Variants in MLLT1 observed in about 807,000 individuals in gnomAD.
MLLT1 encodes the protein protein ENL.
In MLLT1, 11 loss-of-function variants were observed where a neutral mutation model predicts 55.1. The ratio of observed to expected loss-of-function variants is 0.20; its 90% CI spans 0.13 to 0.33. The LOEUF (loss-of-function observed/expected upper bound fraction) is 0.33. Ranked by LOEUF, MLLT1 falls within the 10% of genes least tolerant of loss-of-function variation. The pLI is 1.00. For synonymous variants in MLLT1, 323 were observed against 320.1 expected (o/e 1.01, Z -0.10); for missense variants, 536 against 760.6 (o/e 0.70, Z 3.47).
At position 6,211,653 on chromosome 19, in the gene MLLT1, G is replaced by A. The variant is rs565927228; in HGVS notation, c.*1389C>T. The A allele has an allele frequency of 4.4e-5, 47 of 1,064,680 alleles. No homozygotes were observed. The East Asian group carries it at 1.0e-3, about 24-fold the overall frequency. 66.0% of individuals were successfully genotyped at this position (1,064,680 alleles called of 1,614,324 possible). A position where few individuals can be genotyped will look rare whatever the true frequency, so the allele number is the denominator to read the frequency against. Reference sequence around the variant, plus strand: ...TTGGTCAGGGCACAAGGACTTGAAAGGACTTGAAAGTCAGGGGGTTGAGAG... The same window carrying A: ...TTGGTCAGGGCACAAGGACTTGAAAAGACTTGAAAGTCAGGGGGTTGAGAG... On this transcript the variant is annotated 3_prime_UTR_variant, in exon 12 of 12. Transcript: ENST00000252674. This position sits in a 1 kb window ranked among gnomAD's most constrained non-coding sequence, Gnocchi z 4.6.
chr19:6,218,405 G>A (rs886230744), intron 6 of MLLT1, among the ~76,000 whole-genome samples: 3 of 152,234 alleles, frequency 2.0e-5, no homozygotes, highest in African/African-American at 7.2e-5. Context: ...CCTTGCCTTC[G>A]TCCAAGAGGG....
At chr19:6,244,511 C>A (rs2091149064) in intron 3 of MLLT1, among the ~76,000 whole-genome samples, 1 of 152,114 alleles carries the variant, frequency 6.6e-6, no homozygotes, top group African/African-American at 2.4e-5. Context: ...GAGGCATGGG[C>A]CTCAAGTGTG....
At position 6,270,164 on chromosome 19, in the gene MLLT1, C is replaced by T. The variant is rs770618833; in HGVS notation, c.193+415G>A. 6.6e-6 allele frequency among the ~76,000 whole-genome samples: 1 copy of T among 152,172 alleles called. No homozygotes were observed. Among genetic ancestry groups the T allele is most frequent in the East Asian group, 1.9e-4 (1 of 5,192 alleles). ...GAGGCTTGAAGGGAGAGGGAAGACACGGAAAAGACAGTGGTGACATGAGCT... is the reference window on the plus strand; with the variant it reads ...GAGGCTTGAAGGGAGAGGGAAGACATGGAAAAGACAGTGGTGACATGAGCT... On this transcript the variant is annotated intron_variant, in intron 2 of 11. Transcript: ENST00000252674. The surrounding 1 kb of genome is among the most constrained non-coding windows in gnomAD (Gnocchi z 7.1).
chr19:6,273,718 G>T lies in MLLT1; in HGVS notation c.13-2959C>A, dbSNP rs909766887. On this transcript the variant is annotated intron_variant, in intron 1 of 11. Transcript: ENST00000252674. This position sits in a 1 kb window ranked among gnomAD's most constrained non-coding sequence, Gnocchi z 4.3. ...AAACTAAATGTACATATACATCATG[G>T]GAACAGCACCAGGATGCGGGAGAAC... is the stretch of plus-strand genomic sequence containing the variant. Among the ~76,000 whole-genome samples the T allele has an allele frequency of 4.6e-5, 7 of 152,178 alleles. No individual in the cohort carries two copies. The highest frequency in any genetic ancestry group is 1.7e-4 in the African/African-American group (7 of 41,446).
rs577230477 is a variant in MLLT1, at chr19:6,219,371, G to A, written c.1111-1330C>T. Among the ~76,000 whole-genome samples the A allele has an allele frequency of 1.3e-5, 2 of 152,282 alleles. No individual in the cohort carries two copies. The highest frequency in any genetic ancestry group is 1.9e-4 in the East Asian group (1 of 5,178). ...CAGTCACTGCCCACTCAGGCTACCT[G>A]AGTCCCGGACACATACCCCAGAGCG... is the stretch of plus-strand genomic sequence containing the variant. On this transcript the variant is annotated intron_variant, in intron 6 of 11. Transcript: ENST00000252674. This position sits in a 1 kb window ranked among gnomAD's most constrained non-coding sequence, Gnocchi z 4.5.
At chr19:6,223,806 C>T (rs372064210) in intron 5 of MLLT1, among the ~76,000 whole-genome samples, 9 of 152,210 alleles carry the variant, frequency 5.9e-5, no homozygotes, top group African/African-American at 2.2e-4. Context: ...TCACCCCACG[C>T]ACCCAGGAGC....
chr19:6,249,613 C>T (rs767017127), intron 3 of MLLT1, among the ~76,000 whole-genome samples: 5 of 152,192 alleles, frequency 3.3e-5, no homozygotes, highest in Admixed American at 6.5e-5. Flanking sequence ...GGAGGCCACC[C>T]GGATCCCCCC....
intron 3 of MLLT1, among the ~76,000 whole-genome samples, chr19:6,261,054 G>C (rs925351498): frequency 6.6e-6 from 1 of 152,202 alleles, no homozygotes; most frequent in Non-Finnish European, 1.5e-5. Context: ...GGGGGCTGCT[G>C]TTCTCATTCC....
intron 3 of MLLT1, among the ~76,000 whole-genome samples, chr19:6,233,017 C>T (rs1299360302): frequency 6.6e-6 from 1 of 152,162 alleles, no homozygotes; most frequent in Non-Finnish European, 1.5e-5. Context: ...GCTCTGGGCC[C>T]GGCGTCCTCT....
In MLLT1 at chr19:6,211,948, C is replaced by T; in HGVS notation, c.*1094G>A. ...GAGAAAGGCAGCCTGGGAGGGCCAG[C>T]CCGGCCAACCCACCGGGCCTGCTGA... On this transcript the variant is annotated 3_prime_UTR_variant, in exon 12 of 12. Coordinates refer to ENST00000252674, the MANE Select transcript of MLLT1 (RefSeq NM_005934.4). The surrounding 1 kb of genome is among the most constrained non-coding windows in gnomAD (Gnocchi z 4.6). 1 of 1,065,396 alleles carries T rather than the reference C, an allele frequency of 9.4e-7. No individual in the cohort carries two copies. The highest frequency in any genetic ancestry group is 1.6e-5 in the African/African-American group (1 of 61,146). 66.0% of individuals were successfully genotyped at this position (1,065,396 alleles called of 1,614,324 possible). A position where few individuals can be genotyped will look rare whatever the true frequency, so the allele number is the denominator to read the frequency against.
At chr19:6,220,559 G>C (rs190504529) in intron 6 of MLLT1, among the ~76,000 whole-genome samples, 1 of 152,368 alleles carries the variant, frequency 6.6e-6, no homozygotes, top group Admixed American at 6.5e-5. Context: ...CTGGTGGCGG[G>C]AGCCAGGAGC....
chr19:6,269,820 T>C (rs958949817), intron 2 of MLLT1, among the ~76,000 whole-genome samples: 1 of 152,164 alleles, frequency 6.6e-6, no homozygotes, highest in African/African-American at 2.4e-5. Context: ...TATCAAGACA[T>C]CACCCAAGAA....
intron 3 of MLLT1, among the ~76,000 whole-genome samples, chr19:6,232,582 C>G (rs898012072): frequency 1.4e-4 from 21 of 152,292 alleles, no homozygotes; most frequent in Admixed American, 5.2e-4. Flanking sequence ...AATTAGATCA[C>G]GTGAACTTCG....
intron 3 of MLLT1, among the ~76,000 whole-genome samples, chr19:6,257,729 A>C (rs2091269609): frequency 1.3e-5 from 2 of 152,150 alleles, no homozygotes. Context: ...TGAACCCAGG[A>C]GGCAGAGGTT....
At chr19:6,221,752 G>C (rs530831286) in intron 6 of MLLT1, among the ~76,000 whole-genome samples, 3 of 152,360 alleles carry the variant, frequency 2.0e-5, no homozygotes, top group East Asian at 3.9e-4. Context: ...GCCATGGTCA[G>C]AGCAACCATG....
chr19:6,241,133 A>G (rs548974602), intron 3 of MLLT1, among the ~76,000 whole-genome samples: 1 of 152,328 alleles, frequency 6.6e-6, no homozygotes, highest in African/African-American at 2.4e-5. Context: ...AGCTGAGCTG[A>G]GACCTGCGAG....
intron 3 of MLLT1, among the ~76,000 whole-genome samples, chr19:6,238,681 G>A (rs926787521): frequency 2.0e-5 from 3 of 152,208 alleles, no homozygotes; most frequent in African/African-American, 7.2e-5. Flanking sequence ...GGAAGACAGT[G>A]GGGAACCAGG....
At position 6,262,276 on chromosome 19, in the gene MLLT1, C is replaced by T. The variant is rs377619193; in HGVS notation, c.228G>A (p.Ser76=). 16 of 1,613,790 alleles carry T rather than the reference C, an allele frequency of 9.9e-6. No individual in the cohort carries two copies. Among genetic ancestry groups the T allele is most frequent in the East Asian group, 8.9e-5 (4 of 44,900 alleles). Residue 76 remains serine (S), a synonymous_variant, in exon 3 of 12, where the codon TCG becomes TCA. Transcript: ENST00000252674. This position sits in a 1 kb window ranked among gnomAD's most constrained non-coding sequence, Gnocchi z 4.4. ...TGGGCATGATGAAGCCAGCGTACCC[C>T]GACTCCTCTACTTTGTAGGGGGGCT... is the stretch of plus-strand genomic sequence containing the variant. ...CKEPPYKVEE[S]GYAGFIMPIE... is the part of the protein sequence containing the mutation.
intron 3 of MLLT1, among the ~76,000 whole-genome samples, chr19:6,260,737 T>G (rs1025091857): frequency 6.6e-6 from 1 of 152,232 alleles, no homozygotes. Flanking sequence ...TCCCAGCTAC[T>G]TGGGAGGCTG....
Sources: allele counts gnomAD v4.1 joint callset (sites outside exome capture counted in the v4.1 genomes callset), GRCh38; gene constraint gnomAD v4.1.1; non-coding constraint Gnocchi (gnomAD v3.1); transcripts MANE v1.5; gene names NCBI Gene and HGNC (gene_info 2026-07-23, HGNC 2026-07-21).